The following RBFOX1 variants were observed in gnomAD, a reference collection of about 807,000 sequenced individuals.
The protein encoded by RBFOX1 is RNA binding fox-1 homolog 1.
In RBFOX1, 8 loss-of-function variants were observed where a neutral mutation model predicts 57.7. The ratio of observed to expected loss-of-function variants is 0.14; its 90% CI spans 0.08 to 0.25. The LOEUF is 0.25. Among genes scored for constraint, RBFOX1 ranks in the 10% least tolerant of loss-of-function variants. The probability of loss-of-function intolerance (pLI) is 1.00; values close to 1 mark genes in which losing one functional copy is unlikely to be tolerated. For synonymous variants in RBFOX1, 326 were observed against 222.4 expected (o/e 1.47, Z -4.15); for missense variants, 611 against 548.5 (o/e 1.11, Z -1.14).
At chr16:6,659,226 G>T (rs2098685666) in intron 3 of RBFOX1, among the ~76,000 whole-genome samples, 1 of 67,174 alleles carries the variant, frequency 1.5e-5, no homozygotes, top group South Asian at 8.1e-4. Context: ...CTGTCAAGAG[G>T]AGACGAGAGC....
intron 1 of RBFOX1, among the ~76,000 whole-genome samples, chr16:5,249,980 A>C (rs539929831): frequency 7.1e-6 from 1 of 141,668 alleles, no homozygotes; most frequent in East Asian, 2.1e-4. Context: ...TGAGGAGCAG[A>C]TTGCAGTGAG....
At chr16:6,874,445 G>T (rs2061473373) in intron 3 of RBFOX1, among the ~76,000 whole-genome samples, 1 of 147,868 alleles carries the variant, frequency 6.8e-6, no homozygotes, top group Non-Finnish European at 1.5e-5. Context: ...AGGAGATGGA[G>T]GTTGCAGTTA....
At chr16:6,934,066 G>C (rs908933274) in intron 3 of RBFOX1, among the ~76,000 whole-genome samples, 23 of 152,190 alleles carry the variant, frequency 1.5e-4, no homozygotes, top group African/African-American at 5.3e-4. Context: ...GGCCTTGAGG[G>C]TAGGCGTACG....
chr16:6,023,845 C>G (rs1650803972), intron 1 of RBFOX1, among the ~76,000 whole-genome samples: 1 of 152,322 alleles, frequency 6.6e-6, no homozygotes, highest in East Asian at 1.9e-4. Context: ...GAGGCTCTTC[C>G]CAATGTCTAC....
chr16:7,649,204 G>A (rs1238591152), intron 11 of RBFOX1, among the ~76,000 whole-genome samples: 1 of 152,110 alleles, frequency 6.6e-6, no homozygotes, highest in Non-Finnish European at 1.5e-5. Flanking sequence ...TATAATACTT[G>A]TTTATATAGG....
At chr16:6,834,951 G>C (rs2092979442) in intron 3 of RBFOX1, among the ~76,000 whole-genome samples, 1 of 148,508 alleles carries the variant, frequency 6.7e-6, no homozygotes, top group Non-Finnish European at 1.5e-5. Flanking sequence ...GGAGTGCAGT[G>C]GCGCGATCTT....
chr16:7,137,505 C>G (rs907346398), intron 4 of RBFOX1, among the ~76,000 whole-genome samples: 6 of 152,158 alleles, frequency 3.9e-5, no homozygotes, highest in Non-Finnish European at 8.8e-5. Flanking sequence ...TAAGGAGTAC[C>G]TTTCACCTTC....
chr16:6,335,175 C>T (rs949857178), intron 2 of RBFOX1, among the ~76,000 whole-genome samples: 5 of 152,218 alleles, frequency 3.3e-5, no homozygotes, highest in Non-Finnish European at 7.3e-5. Flanking sequence ...GACACTCACA[C>T]TGGAATGTGT....
At chr16:5,266,712 C>T (rs912516198) in intron 1 of RBFOX1, among the ~76,000 whole-genome samples, 2 of 151,804 alleles carry the variant, frequency 1.3e-5, no homozygotes, top group African/African-American at 4.8e-5. Flanking sequence ...CCACTCTTGC[C>T]TAATTTTTGT....
At chr16:6,119,694 A>C (rs544541361) in intron 1 of RBFOX1, among the ~76,000 whole-genome samples, 1 of 152,170 alleles carries the variant, frequency 6.6e-6, no homozygotes, top group Non-Finnish European at 1.5e-5. Context: ...GGCTCAAATC[A>C]TTCCACAGGG....
intron 1 of RBFOX1, among the ~76,000 whole-genome samples, chr16:6,190,874 T>C (rs1348718006): frequency 6.6e-6 from 1 of 152,180 alleles, no homozygotes; most frequent in Non-Finnish European, 1.5e-5. Context: ...AAATGTACCA[T>C]ATGCCTCTCC....
In RBFOX1 at chr16:5,905,841, C is replaced by T. The variant is rs566874252; in HGVS notation, c.351+38506C>T. On this transcript the variant is annotated intron_variant, in intron 4 of 19. Transcript: ENST00000641259. ...ACTCCCAAGCCCCAGCAAAGTGATA[C>T]ACTCCCCAAATGCCTCCTCCGGAAG... Among the ~76,000 whole-genome samples, 49 of 152,326 alleles carry T rather than the reference C, an allele frequency of 3.2e-4. 1 individual carries two copies. The highest frequency in any genetic ancestry group is 2.9e-3 in the Admixed American group (45 of 15,302).
chr16:5,417,944 TGTG>T (rs1303753669), intron 1 of RBFOX1, among the ~76,000 whole-genome samples: 2 of 152,044 alleles, frequency 1.3e-5, no homozygotes, highest in Admixed American at 1.3e-4. Context: ...CGCTGGGTGT[TGTG>T]GTGTACGCCT....
chr16:5,988,597 C>T (rs545772234), intron 4 of RBFOX1, among the ~76,000 whole-genome samples: 9 of 152,222 alleles, frequency 5.9e-5, no homozygotes, highest in Admixed American at 3.9e-4. Flanking sequence ...TCCACTGGGA[C>T]GACTGAGTGC....
At chr16:7,075,954 C>T (rs1413500612) in intron 4 of RBFOX1, among the ~76,000 whole-genome samples, 1 of 152,004 alleles carries the variant, frequency 6.6e-6, no homozygotes, top group African/African-American at 2.4e-5. Flanking sequence ...AGGCATACTA[C>T]ACTTTGCCAC....
chr16:5,615,099 G>A (rs188862277), intron 3 of RBFOX1, among the ~76,000 whole-genome samples: 212 of 152,264 alleles, frequency 1.4e-3, no homozygotes, highest in Middle Eastern at 6.8e-3. Context: ...CAGTGGTGCC[G>A]TCATAGCTCA....
intron 1 of RBFOX1, among the ~76,000 whole-genome samples, chr16:6,249,857 G>A (rs1486051280): frequency 1.3e-5 from 2 of 149,112 alleles, no homozygotes; most frequent in African/African-American, 5.0e-5. Flanking sequence ...CATGTGCCAT[G>A]TTGGTGTGCT....
At chr16:5,363,052 G>A (rs1382289800) in intron 1 of RBFOX1, among the ~76,000 whole-genome samples, 4 of 48,200 alleles carry the variant, frequency 8.3e-5, no homozygotes, top group African/African-American at 2.0e-4. Flanking sequence ...TTTTTTTTTT[G>A]AGATGGAGTA....
intron 14 of RBFOX1, among the ~76,000 whole-genome samples, chr16:7,701,298 G>C (rs981188201): frequency 6.6e-6 from 1 of 152,148 alleles, no homozygotes; most frequent in Non-Finnish European, 1.5e-5. Context: ...CACAGCAGGT[G>C]GTGAGCGGGG....
Sources: allele counts gnomAD v4.1 joint callset (sites outside exome capture counted in the v4.1 genomes callset), GRCh38; gene constraint gnomAD v4.1.1; transcripts MANE v1.5; gene names NCBI Gene and HGNC (gene_info 2026-07-23, HGNC 2026-07-21).